The following FNIP1 variants were observed in gnomAD, a reference collection of about 807,000 sequenced individuals.
FNIP1 encodes folliculin interacting protein 1.
Under a neutral mutation model 124.5 loss-of-function variants are expected in FNIP1, and 40 were observed. The ratio of observed to expected loss-of-function variants is 0.32; its 90% confidence interval spans 0.25 to 0.42. FNIP1 has a LOEUF of 0.42. Among genes scored for constraint, FNIP1 ranks in the 10% least tolerant of loss-of-function variants. The probability of loss-of-function intolerance (pLI) is 1.00; values close to 1 mark genes in which losing one functional copy is unlikely to be tolerated. For missense variants in FNIP1, 1,176 were observed against 1,403.7 expected (o/e 0.84, Z 2.59); for synonymous variants, 472 against 470.6 (o/e 1.00, Z -0.04).
chr5:131,755,350 G>A (rs1771013298), intron 1 of FNIP1, among the ~76,000 whole-genome samples: 1 of 151,694 alleles, frequency 6.6e-6, no homozygotes. Context: ...GAACCTGGGA[G>A]GCAGAGGTCA....
At chr5:131,678,248 G>A (rs558691740) in intron 12 of FNIP1, among the ~76,000 whole-genome samples, 5 of 152,102 alleles carry the variant, frequency 3.3e-5, no homozygotes, top group East Asian at 1.9e-4. Context: ...ATGGGAAAAC[G>A]AGGCAAAGTA....
Position 131,788,614 on chromosome 5 carries a change from T to C in FNIP1, c.92+8216A>G, listed in dbSNP as rs562729952. Among the ~76,000 whole-genome samples the C allele has an allele frequency of 5.3e-5, 8 of 151,238 alleles. No homozygotes were observed. In the South Asian group the frequency reaches 1.7e-3, roughly 32 times the overall value. ...TACTCGGGAGGCTGAGGCATAAGAATTGCTTGAACCCGGGAGGCAGAGGTT... is the reference window on the plus strand; with the variant it reads ...TACTCGGGAGGCTGAGGCATAAGAACTGCTTGAACCCGGGAGGCAGAGGTT... On this transcript the variant is annotated intron_variant, in intron 1 of 17. Coordinates refer to ENST00000510461, the MANE Select transcript of FNIP1 (RefSeq NM_133372.3).
intron 1 of FNIP1, among the ~76,000 whole-genome samples, chr5:131,778,118 G>C (rs899226700): frequency 6.6e-6 from 1 of 151,930 alleles, no homozygotes; most frequent in African/African-American, 2.4e-5. Context: ...CAACACTTTG[G>C]GGGGCCCAGG....
At chr5:131,768,303 C>T (rs892205978) in intron 1 of FNIP1, among the ~76,000 whole-genome samples, 1 of 151,992 alleles carries the variant, frequency 6.6e-6, no homozygotes, top group Non-Finnish European at 1.5e-5. Flanking sequence ...TTCAGCAATA[C>T]GTATACCTAA....
Position 131,644,479 on chromosome 5 carries a change from A to G in FNIP1, c.*206T>C, listed in dbSNP as rs1442113957. 3 of 406,558 alleles carry G rather than the reference A, an allele frequency of 7.4e-6. No individual in the cohort carries two copies. The highest frequency in any genetic ancestry group is 1.3e-5 in the Non-Finnish European group (3 of 226,776). The allele number at this position is 406,558 out of a possible 1,614,324, so 25.2% of individuals were successfully genotyped here. On this transcript the variant is annotated 3_prime_UTR_variant, in exon 18 of 18. Transcript: ENST00000510461. Reference sequence around the variant, plus strand: ...TTGTTGCTTTAATTTCATTTGTTTAAAAATCTACCACCACCCAAAAGTCCA... The same window carrying G: ...TTGTTGCTTTAATTTCATTTGTTTAGAAATCTACCACCACCCAAAAGTCCA...
At chr5:131,679,551 A>G (rs902701988) in intron 11 of FNIP1, among the ~76,000 whole-genome samples, 3 of 152,228 alleles carry the variant, frequency 2.0e-5, no homozygotes, top group Non-Finnish European at 4.4e-5. Context: ...AATCAACTAC[A>G]TGTACAAAAA....
intron 1 of FNIP1, among the ~76,000 whole-genome samples, chr5:131,749,795 C>T (rs1770808190): frequency 6.6e-6 from 1 of 152,016 alleles, no homozygotes. Flanking sequence ...CTACAGTGTT[C>T]AGCACAGCAA....
chr5:131,732,040 T>C (rs1034693875), intron 2 of FNIP1, among the ~76,000 whole-genome samples: 1 of 152,158 alleles, frequency 6.6e-6, no homozygotes, highest in Non-Finnish European at 1.5e-5. Context: ...AAGAAAAATG[T>C]ATTTCTTTTT....
chr5:131,701,615 T>A (rs1307877659), intron 10 of FNIP1, among the ~76,000 whole-genome samples: 1 of 152,252 alleles, frequency 6.6e-6, no homozygotes, highest in African/African-American at 2.4e-5. Context: ...TCAATATGAA[T>A]AACTAACATC....
intron 1 of FNIP1, among the ~76,000 whole-genome samples, chr5:131,785,807 C>A (rs529985158): frequency 3.3e-5 from 5 of 152,194 alleles, no homozygotes; most frequent in African/African-American, 1.2e-4. Context: ...GAGTTTAAGC[C>A]CAGCCTGGGC....
intron 11 of FNIP1, among the ~76,000 whole-genome samples, chr5:131,684,984 C>T (rs1768225381): frequency 6.6e-6 from 1 of 152,088 alleles, no homozygotes; most frequent in Admixed American, 6.6e-5. Flanking sequence ...CTATTGAAAA[C>T]ATATAATGTA....
At chr5:131,696,714 A>G (rs1356569953) in intron 11 of FNIP1, among the ~76,000 whole-genome samples, 2 of 152,192 alleles carry the variant, frequency 1.3e-5, no homozygotes, top group African/African-American at 4.8e-5. Flanking sequence ...CATCTCAAAT[A>G]CAGTTTTTGC....
intron 2 of FNIP1, among the ~76,000 whole-genome samples, chr5:131,735,323 C>T (rs575876562): frequency 1.5e-4 from 23 of 151,746 alleles, no homozygotes; most frequent in African/African-American, 3.6e-4. Flanking sequence ...GTCGGGGGAG[C>T]GGGGAGGAAC....
At chr5:131,718,163 G>A (rs192758943) in intron 5 of FNIP1, among the ~76,000 whole-genome samples, 131 of 150,686 alleles carry the variant, frequency 8.7e-4, no homozygotes, top group African/African-American at 3.1e-3. Flanking sequence ...GCACTCCACC[G>A]TGGTGACACA....
intron 2 of FNIP1, among the ~76,000 whole-genome samples, chr5:131,737,720 AGCT>A (rs899919379): frequency 2.0e-5 from 3 of 152,238 alleles, no homozygotes; most frequent in Admixed American, 2.0e-4. Flanking sequence ...AACGTGAGTT[AGCT>A]GCTGCTATCA....
chr5:131,725,289 G>A (rs1341252826), intron 3 of FNIP1, among the ~76,000 whole-genome samples: 2 of 152,130 alleles, frequency 1.3e-5, no homozygotes, highest in Non-Finnish European at 2.9e-5. Flanking sequence ...AATTACTATA[G>A]GCATGATAGC....
At position 131,676,812 on chromosome 5, in the gene FNIP1, G is replaced by C. The variant is rs561307740; in HGVS notation, c.1519+891C>G. ...TAACTCAATAAAATGGAAGGGAATG[G>C]GGGAGGGAACAAGGGAGAAAGCCAG... is the stretch of plus-strand genomic sequence containing the variant. On this transcript the variant is annotated intron_variant, in intron 13 of 17. Transcript: ENST00000510461. 2.6e-5 allele frequency among the ~76,000 whole-genome samples: 4 copies of C among 152,224 alleles called. No individual in the cohort carries two copies. In the South Asian group the frequency reaches 8.3e-4, roughly 32 times the overall value.
chr5:131,657,193 G>A (rs1354483623), intron 15 of FNIP1, among the ~76,000 whole-genome samples: 1 of 151,770 alleles, frequency 6.6e-6, no homozygotes, highest in African/African-American at 2.4e-5. Flanking sequence ...TAGTAGAGAC[G>A]GGTTTTCACT....
chr5:131,664,213 T>A (rs1464110431), intron 15 of FNIP1, among the ~76,000 whole-genome samples: 5 of 152,204 alleles, frequency 3.3e-5, no homozygotes, highest in Non-Finnish European at 7.3e-5. Flanking sequence ...TCTTAGTGAA[T>A]TGATCTACTG....
Sources: gnomAD v4.1 joint callset for allele counts (sites outside exome capture counted in the v4.1 genomes callset) on GRCh38, gnomAD v4.1.1 for gene constraint, MANE v1.5 for transcripts, NCBI Gene and HGNC (gene_info 2026-07-23, HGNC 2026-07-21) for gene names.